CD2AP: variants seen among roughly 807,000 people sequenced by gnomAD.
CD2AP encodes CD2 associated protein.
A neutral mutation model predicts 85.1 loss-of-function variants in CD2AP; 46 were observed. The ratio of observed to expected loss-of-function variants is 0.54; its 90% CI spans 0.43 to 0.69. The LOEUF (loss-of-function observed/expected upper bound fraction) is 0.69. Among genes scored for constraint, CD2AP ranks in the 30% least tolerant of loss-of-function variants. CD2AP has a pLI of 0.00. For synonymous variants in CD2AP, 255 were observed against 252.9 expected, an observed-to-expected ratio of 1.01 and a Z score of -0.08; for missense variants, 769 against 729.5, an observed-to-expected ratio of 1.05 and a Z score of -0.62.
intron 2 of CD2AP, among the ~76,000 whole-genome samples, chr6:47,513,804 A>G (rs960956972): frequency 6.6e-6 from 1 of 151,272 alleles, no homozygotes; most frequent in Admixed American, 6.6e-5. Flanking sequence ...ATGTTCAACT[A>G]TACTAGATGT....
At chr6:47,554,546 A>G (rs2114062295) in intron 4 of CD2AP, 100 bp from the exon 5 acceptor site, 12 of 1,167,510 alleles carry the variant, frequency 1.0e-5, no homozygotes, top group Non-Finnish European at 1.5e-5. Flanking sequence ...TCATAGTGCT[A>G]ATTTTGTGCC....
Position 47,609,320 on chromosome 6 carries a change from TTTCTC to T in CD2AP, c.1814+17_1814+21del, listed in dbSNP as rs760737495. 3.8e-6 allele frequency: 6 copies of T among 1,595,772 alleles called. 1 individual carries two copies. The South Asian group carries it at 6.6e-5, about 18-fold the overall frequency. Reference sequence around the variant, plus strand: ...AGGATCACGGGTAAGTAGCCCTTCTTTTCTCCTGTGAGTACTACTTAACCCATGCA... The same window carrying T: ...AGGATCACGGGTAAGTAGCCCTTCTTCTGTGAGTACTACTTAACCCATGCA... On this transcript the variant is annotated intron_variant, in intron 16 of 17. Coordinates refer to ENST00000359314, the MANE Select transcript of CD2AP (RefSeq NM_012120.3).
At chr6:47,520,411 A>C (rs1766555721) in intron 2 of CD2AP, among the ~76,000 whole-genome samples, 1 of 152,210 alleles carries the variant, frequency 6.6e-6, no homozygotes, top group Non-Finnish European at 1.5e-5. Context: ...CTCTGTTGAC[A>C]GTTGTCGGGA....
intron 2 of CD2AP, among the ~76,000 whole-genome samples, chr6:47,507,730 C>T (rs1444766090): frequency 6.6e-6 from 1 of 152,172 alleles, no homozygotes; most frequent in African/African-American, 2.4e-5. Context: ...CAGGTGTGAG[C>T]CACCGTGCCT....
At chr6:47,557,608 T>G (rs1767731495) in intron 5 of CD2AP, among the ~76,000 whole-genome samples, 1 of 152,220 alleles carries the variant, frequency 6.6e-6, no homozygotes, top group Non-Finnish European at 1.5e-5. Flanking sequence ...CTGGTTTTTG[T>G]CAGGTTTGTC....
chr6:47,589,537 T>TGTAG (rs1227160179), intron 11 of CD2AP, among the ~76,000 whole-genome samples: 1 of 91,442 alleles, frequency 1.1e-5, no homozygotes, highest in Non-Finnish European at 2.5e-5. Context: ...TATACACATA[T>TGTAG]GTACACATAT....
chr6:47,505,698 A>C (rs1766134797), intron 2 of CD2AP, among the ~76,000 whole-genome samples: 2 of 61,904 alleles, frequency 3.2e-5, no homozygotes, highest in Non-Finnish European at 7.5e-5. Flanking sequence ...TCCCTCCCGG[A>C]CGGGGTGGCT....
At chr6:47,482,448 G>A (rs1174304381) in intron 1 of CD2AP, among the ~76,000 whole-genome samples, 2 of 148,544 alleles carry the variant, frequency 1.3e-5, no homozygotes, top group Admixed American at 6.8e-5. Context: ...GCGCGATCTC[G>A]GCTCACTGCA....
chr6:47,536,916 G>A (rs1054828203), intron 3 of CD2AP, among the ~76,000 whole-genome samples: 1 of 152,140 alleles, frequency 6.6e-6, no homozygotes, highest in African/African-American at 2.4e-5. Context: ...ATTGGTAGAT[G>A]TTTCACTTTA....
At chr6:47,611,535 G>T (rs150896554) in intron 16 of CD2AP, among the ~76,000 whole-genome samples, 4 of 151,848 alleles carry the variant, frequency 2.6e-5, no homozygotes, top group African/African-American at 7.2e-5. Context: ...TTATTGCCAA[G>T]AAGTTAGTTT....
At chr6:47,586,555 A>T (rs1308048468) in intron 11 of CD2AP, among the ~76,000 whole-genome samples, 3 of 152,208 alleles carry the variant, frequency 2.0e-5, no homozygotes, top group Non-Finnish European at 4.4e-5. Context: ...GGAAGAAAAT[A>T]ACTGTCAACC....
At chr6:47,484,658 A>AT (rs900342473) in intron 1 of CD2AP, among the ~76,000 whole-genome samples, 3 of 152,170 alleles carry the variant, frequency 2.0e-5, no homozygotes, top group Admixed American at 6.5e-5. Flanking sequence ...TCTTTCAAAT[A>AT]TTATGTAGCT....
At chr6:47,487,690 A>AAAACAAAC (rs140796042) in intron 1 of CD2AP, among the ~76,000 whole-genome samples, 229 of 151,622 alleles carry the variant, frequency 1.5e-3, no homozygotes, top group African/African-American at 5.4e-3. Flanking sequence ...ACTCTGTCTC[A>AAAACAAAC]AAACAAACAA....
intron 1 of CD2AP, among the ~76,000 whole-genome samples, chr6:47,481,229 G>A (rs1389497248): frequency 6.6e-6 from 1 of 152,200 alleles, no homozygotes; most frequent in African/African-American, 2.4e-5. Flanking sequence ...GGAAGAGTAA[G>A]CAGACTTCTA....
chr6:47,546,554 A>G (rs1228657020), intron 4 of CD2AP, among the ~76,000 whole-genome samples: 8 of 152,224 alleles, frequency 5.3e-5, no homozygotes, highest in African/African-American at 1.7e-4. Flanking sequence ...TCATCACGTT[A>G]TAATTGGCTT....
At chr6:47,482,499 T>C (rs1434774581) in intron 1 of CD2AP, among the ~76,000 whole-genome samples, 1 of 151,544 alleles carries the variant, frequency 6.6e-6, no homozygotes, top group East Asian at 1.9e-4. Flanking sequence ...CTGCCTCAGC[T>C]TCCCGAGTAG....
intron 17 of CD2AP, among the ~76,000 whole-genome samples, chr6:47,616,225 A>G (rs1382971558): frequency 6.6e-6 from 1 of 150,560 alleles, no homozygotes; most frequent in African/African-American, 2.5e-5. Context: ...CCGGGTAGCT[A>G]GGACTGTAGG....
intron 16 of CD2AP, 136 bp downstream of exon 16, chr6:47,609,440 A>C: frequency 1.5e-6 from 1 of 686,638 alleles, no homozygotes; most frequent in Non-Finnish European, 2.6e-6. Context: ...ACTTTGGGAG[A>C]CCAAGTTTGG....
intron 3 of CD2AP, among the ~76,000 whole-genome samples, chr6:47,539,027 A>G (rs1004547194): frequency 2.0e-5 from 3 of 152,190 alleles, no homozygotes; most frequent in Non-Finnish European, 4.4e-5. Flanking sequence ...GAGTAGTATG[A>G]TCATGAGAAA....
Sources: allele counts gnomAD v4.1 joint callset (sites outside exome capture counted in the v4.1 genomes callset), GRCh38; gene constraint gnomAD v4.1.1; transcripts MANE v1.5; gene names NCBI Gene and HGNC (gene_info 2026-07-23, HGNC 2026-07-21).